The following DPYD variants were observed in gnomAD, a reference collection of about 807,000 sequenced individuals.
The protein encoded by DPYD is dihydropyrimidine dehydrogenase [NADP(+)].
DPYD carries 109 observed loss-of-function variants against 116.2 expected under a neutral mutation model. The ratio of observed to expected loss-of-function variants is 0.94; its 90% CI spans 0.80 to 1.10. DPYD has a LOEUF of 1.10. Among genes scored for constraint, DPYD ranks in the 50% least tolerant of loss-of-function variants. The pLI is 0.00. For synonymous variants in DPYD, 440 were observed against 432.0 expected, an observed-to-expected ratio of 1.02 and a Z score of -0.23; for missense variants, 1,302 against 1,254.5, an observed-to-expected ratio of 1.04 and a Z score of -0.57.
At chr1:97,751,315 T>C (rs967912456) in intron 3 of DPYD, among the ~76,000 whole-genome samples, 1 of 148,232 alleles carries the variant, frequency 6.7e-6, no homozygotes, top group African/African-American at 2.5e-5. Flanking sequence ...TATACACATA[T>C]ATACATATAT....
chr1:97,097,772 A>G (rs896850750), intron 21 of DPYD, among the ~76,000 whole-genome samples: 14 of 152,112 alleles, frequency 9.2e-5, no homozygotes, highest in African/African-American at 3.4e-4. Flanking sequence ...AAAACTGGAA[A>G]AACTTGAATA....
At chr1:97,455,337 C>G (rs191105020) in intron 13 of DPYD, among the ~76,000 whole-genome samples, 120 of 151,946 alleles carry the variant, frequency 7.9e-4, no homozygotes, top group African/African-American at 2.8e-3. Flanking sequence ...TAACTGAAAT[C>G]GAAGAAACAT....
intron 19 of DPYD, among the ~76,000 whole-genome samples, chr1:97,208,986 C>T (rs1206962701): frequency 2.0e-5 from 3 of 151,966 alleles, no homozygotes. Flanking sequence ...TCCATATTGA[C>T]TAATTTCTAA....
intron 5 of DPYD, 86 bp from the exon 6 acceptor site, chr1:97,699,633 G>T: frequency 1.5e-6 from 2 of 1,314,274 alleles, no homozygotes; most frequent in South Asian, 1.2e-5. Flanking sequence ...ACGAATTCTT[G>T]TTTTAAATAG....
intron 8 of DPYD, among the ~76,000 whole-genome samples, chr1:97,629,682 CA>C (rs200410351): frequency 1.7e-4 from 25 of 149,146 alleles, no homozygotes; most frequent in African/African-American, 5.7e-4. Context: ...TCTCCAAAAA[CA>C]AAAAAAAACA....
chr1:97,904,410 G>A (rs1341810078), intron 1 of DPYD, among the ~76,000 whole-genome samples: 1 of 151,858 alleles, frequency 6.6e-6, no homozygotes, highest in Admixed American at 6.6e-5. Flanking sequence ...TTGCACTGAA[G>A]GCAGTTAAGA....
intron 14 of DPYD, among the ~76,000 whole-genome samples, chr1:97,427,556 T>C (rs916742328): frequency 2.6e-5 from 4 of 152,052 alleles, no homozygotes; most frequent in South Asian, 2.1e-4. Context: ...CCAAGTGCAA[T>C]GTGACCTGTC....
chr1:97,293,979 C>T lies in DPYD; in HGVS notation c.2299+11280G>A, dbSNP rs1447221807. Among the ~76,000 whole-genome samples, 3 of 151,948 alleles carry T rather than the reference C, an allele frequency of 2.0e-5. No individual in the cohort carries two copies. The East Asian group carries it at 5.8e-4, about 30-fold the overall frequency. On this transcript the variant is annotated intron_variant, in intron 18 of 22. Coordinates refer to ENST00000370192, the MANE Select transcript of DPYD (RefSeq NM_000110.4). ...AAAAAACCAGTCCAATCACTAAATGCTCCTGCTTGTATGCAACTGAATATT... is the reference window on the plus strand; with the variant it reads ...AAAAAACCAGTCCAATCACTAAATGTTCCTGCTTGTATGCAACTGAATATT...
chr1:97,262,095 T>C (rs1159749955), intron 18 of DPYD, among the ~76,000 whole-genome samples: 1 of 151,994 alleles, frequency 6.6e-6, no homozygotes. Flanking sequence ...TTTTGTTCTC[T>C]CTAGCATGAG....
At chr1:97,402,594 T>C (rs1034370306) in intron 14 of DPYD, among the ~76,000 whole-genome samples, 2 of 152,078 alleles carry the variant, frequency 1.3e-5, no homozygotes, top group African/African-American at 4.8e-5. Context: ...ATAACTTGTA[T>C]ACCCTGTTCC....
chr1:97,746,710 A>G (rs1664577603), intron 3 of DPYD, among the ~76,000 whole-genome samples: 1 of 152,130 alleles, frequency 6.6e-6, no homozygotes, highest in Non-Finnish European at 1.5e-5. Flanking sequence ...ACACATCATG[A>G]ATACAGGTAC....
chr1:97,137,401 C>T (rs1457012725), intron 20 of DPYD, among the ~76,000 whole-genome samples: 1 of 152,176 alleles, frequency 6.6e-6, no homozygotes, highest in Non-Finnish European at 1.5e-5. Flanking sequence ...GTAATTCTTC[C>T]AGGTTTATCA....
intron 1 of DPYD, among the ~76,000 whole-genome samples, chr1:97,899,054 T>C (rs1673225498): frequency 6.6e-6 from 1 of 151,706 alleles, no homozygotes; most frequent in Non-Finnish European, 1.5e-5. Flanking sequence ...AGCTCACTCC[T>C]AGGAACCAAG....
intron 18 of DPYD, among the ~76,000 whole-genome samples, chr1:97,246,918 A>T (rs1397894601): frequency 1.3e-5 from 2 of 152,168 alleles, no homozygotes; most frequent in African/African-American, 4.8e-5. Flanking sequence ...TTTACTGCCA[A>T]TAAAAATATT....
At chr1:97,495,740 GTTAA>G (rs1053422637) in intron 13 of DPYD, among the ~76,000 whole-genome samples, 32 of 152,074 alleles carry the variant, frequency 2.1e-4, no homozygotes, top group African/African-American at 7.5e-4. Flanking sequence ...TTTATATCAA[GTTAA>G]TTAATCATAT....
At chr1:97,363,755 G>C (rs995477282) in intron 16 of DPYD, among the ~76,000 whole-genome samples, 4 of 152,136 alleles carry the variant, frequency 2.6e-5, no homozygotes, top group Non-Finnish European at 5.9e-5. Context: ...TTAACAATGA[G>C]AACACTTGGA....
intron 19 of DPYD, among the ~76,000 whole-genome samples, chr1:97,227,297 C>A (rs1043391120): frequency 7.6e-6 from 1 of 130,964 alleles, no homozygotes; most frequent in Non-Finnish European, 1.6e-5. Context: ...ACGGCCACTG[C>A]GCTCCAGCCT....
intron 7 of DPYD, among the ~76,000 whole-genome samples, chr1:97,684,574 T>A (rs1033427541): frequency 7.4e-5 from 11 of 149,528 alleles, no homozygotes; most frequent in South Asian, 2.1e-4. Context: ...AAAAAAAATA[T>A]ATATATATAT....
At chr1:97,909,285 T>C (rs1288028307) in intron 1 of DPYD, among the ~76,000 whole-genome samples, 1 of 152,000 alleles carries the variant, frequency 6.6e-6, no homozygotes, top group Non-Finnish European at 1.5e-5. Flanking sequence ...CACCACCTAT[T>C]CTAAACCTTA....
Sources: allele counts gnomAD v4.1 joint callset (sites outside exome capture counted in the v4.1 genomes callset), GRCh38; gene constraint gnomAD v4.1.1; transcripts MANE v1.5; gene names NCBI Gene and HGNC (gene_info 2026-07-23, HGNC 2026-07-21).